Variants in TYK2 observed in about 807,000 individuals in gnomAD.
TYK2 encodes the protein non-receptor tyrosine-protein kinase TYK2.
TYK2 carries 65 observed loss-of-function variants against 130.9 expected under a neutral mutation model. The ratio of observed to expected loss-of-function variants is 0.50; its 90% CI spans 0.41 to 0.61. The LOEUF (loss-of-function observed/expected upper bound fraction) is 0.61, where lower values mean the gene tolerates loss of function less well. TYK2 is among the 20% of genes least tolerant of loss of function. The pLI is 0.00. For missense variants in TYK2, 1,378 were observed against 1,610.7 expected, an observed-to-expected ratio of 0.86 and a Z score of 2.47; for synonymous variants, 647 against 658.9, an observed-to-expected ratio of 0.98 and a Z score of 0.28.
intron 3 of TYK2, among the ~76,000 whole-genome samples, chr19:10,374,022 T>G (rs2042016237): frequency 6.6e-6 from 1 of 152,058 alleles, no homozygotes; most frequent in Non-Finnish European, 1.5e-5. Flanking sequence ...ATCCCAGCAC[T>G]TTGGGAGGCT....
chr19:10,375,513 C>T (rs1473774038), intron 3 of TYK2, among the ~76,000 whole-genome samples: 4 of 151,496 alleles, frequency 2.6e-5, no homozygotes, highest in Non-Finnish European at 4.4e-5. Flanking sequence ...GCTACTCAGG[C>T]GGCTGAGGCA....
intron 19 of TYK2, 102 bp downstream of exon 19, chr19:10,354,410 A>C: frequency 7.3e-7 from 1 of 1,375,760 alleles, no homozygotes; most frequent in Non-Finnish European, 1.0e-6. Context: ...AGAGGGTCCC[A>C]CCCACATCTC....
At chr19:10,366,684 G>A in intron 5 of TYK2, 104 bp from the exon 6 acceptor site, 1 of 1,175,126 alleles carries the variant, frequency 8.5e-7, no homozygotes, top group Non-Finnish European at 1.3e-6. Flanking sequence ...TGGAAGAAGT[G>A]TCTTGGGCCC....
At position 10,364,531 on chromosome 19, in the gene TYK2, A is replaced by G. The variant is rs1365798087; in HGVS notation, c.1367+83T>C. ...AAAAAAATAAGACGTGCACCTACAC[A>G]CACACCCTGCACAGCCCCTAGGGCT... On this transcript the variant is annotated intron_variant, in intron 9 of 24. Transcript: ENST00000525621. The surrounding 1 kb of genome is among the most constrained non-coding windows in gnomAD (Gnocchi z 4.9). The G allele has an allele frequency of 6.6e-7, 1 of 1,512,158 alleles. No homozygotes were observed. The highest frequency in any genetic ancestry group is 2.3e-5 in the East Asian group (1 of 44,192). 93.7% of individuals were successfully genotyped at this position (1,512,158 alleles called of 1,614,324 possible).
At chr19:10,370,460 G>C (rs1824127195) in intron 3 of TYK2, among the ~76,000 whole-genome samples, 1 of 151,052 alleles carries the variant, frequency 6.6e-6, no homozygotes, top group Non-Finnish European at 1.5e-5. Flanking sequence ...GGTGCAGTGA[G>C]CCGAGATTGT....
Position 10,379,708 on chromosome 19 carries a change from C to T in TYK2, c.-114G>A, listed in dbSNP as rs931933859. 1 of 152,180 alleles carries T rather than the reference C, an allele frequency of 6.6e-6. No homozygotes were observed. Among genetic ancestry groups the T allele is most frequent in the Non-Finnish European group, 1.5e-5 (1 of 68,018 alleles). 9.4% of individuals were successfully genotyped at this position (152,180 alleles called of 1,614,324 possible). A position where few individuals can be genotyped will look rare whatever the true frequency, so the allele number is the denominator to read the frequency against. ...TCCCCATCTGGAAAAGGGAGGTCCTCAGGGTGTTGCCATCAAAAGATGGTT... is the reference window on the plus strand; with the variant it reads ...TCCCCATCTGGAAAAGGGAGGTCCTTAGGGTGTTGCCATCAAAAGATGGTT... On this transcript the variant is annotated 5_prime_UTR_variant, in exon 2 of 25. An upstream open reading frame in the 5' UTR loses its in-frame stop. Transcript: ENST00000525621.
Position 10,350,605 on chromosome 19 carries a change from G to C in TYK2, c.*229C>G, listed in dbSNP as rs1389106196. On this transcript the variant is annotated 3_prime_UTR_variant, in exon 25 of 25. Coordinates refer to ENST00000525621, the MANE Select transcript of TYK2 (RefSeq NM_003331.5). ...AAGTTTGGAAGCTGGGGGATTTAAGGGCTGGATTAGTGCCCCTACAAATGT... is the reference window on the plus strand; with the variant it reads ...AAGTTTGGAAGCTGGGGGATTTAAGCGCTGGATTAGTGCCCCTACAAATGT... The C allele has an allele frequency of 1.1e-5, 6 of 556,072 alleles. No individual in the cohort carries two copies. The South Asian group carries it at 1.1e-4, about 10-fold the overall frequency. 34.4% of individuals were successfully genotyped at this position (556,072 alleles called of 1,614,324 possible).
chr19:10,359,754 C>T (rs943324303), intron 14 of TYK2, among the ~76,000 whole-genome samples: 1 of 149,824 alleles, frequency 6.7e-6, no homozygotes, highest in African/African-American at 2.5e-5. Context: ...CTGAGGCGGG[C>T]GGATCACAAG....
chr19:10,365,638 C>G lies in TYK2; in HGVS notation c.890G>C (p.Gly297Ala). The G allele has an allele frequency of 6.2e-7, 1 of 1,613,790 alleles. No homozygotes were observed. The highest frequency in any genetic ancestry group is 2.2e-5 in the East Asian group (1 of 44,876). Residue 297 changes from glycine (G) to alanine (A), a missense_variant, in exon 7 of 25, where the codon GGG (glycine) becomes GCG (alanine). Gly to Ala is a moderately conservative substitution (Grantham distance 60). Transcript: ENST00000525621. ...AGGGCCAGGGTCTGTAGGGGCCACC[C>G]CACTGTCCCGGATGTAGCAGGGCTC... is the stretch of plus-strand genomic sequence containing the variant. ...EGEPCYIRDS[G>A]VAPTDPGPES...
intron 3 of TYK2, among the ~76,000 whole-genome samples, chr19:10,372,043 T>C (rs1436496091): frequency 1.3e-5 from 2 of 151,180 alleles, no homozygotes; most frequent in Non-Finnish European, 2.9e-5. Flanking sequence ...CAGGCTGGAG[T>C]GTGGTGGCTC....
intron 17 of TYK2, chr19:10,357,093 A>G: frequency 2.5e-6 from 1 of 393,742 alleles, no homozygotes; most frequent in South Asian, 2.4e-5. Context: ...ACACTTAGAT[A>G]AAACCTCTTC....
In TYK2 at chr19:10,356,943, C is replaced by T. The variant is rs1021151439; in HGVS notation, c.2467-225G>A. 6 of 587,936 alleles carry T rather than the reference C, an allele frequency of 1.0e-5. No individual in the cohort carries two copies. In the African/African-American group the frequency reaches 1.1e-4, roughly 11 times the overall value. 36.4% of individuals were successfully genotyped at this position (587,936 alleles called of 1,614,324 possible). A position where few individuals can be genotyped will look rare whatever the true frequency, so the allele number is the denominator to read the frequency against. The stretch of plus-strand genomic sequence containing the variant: ...GTGATTATGCAGAGCTGGAGTGTCA[C>T]AGTCAGCCTCCTGCCCCAAGCTTCC... On this transcript the variant is annotated intron_variant, in intron 17 of 24. Coordinates refer to ENST00000525621, the MANE Select transcript of TYK2 (RefSeq NM_003331.5).
At position 10,366,577 on chromosome 19, in the gene TYK2, T is replaced by C. The variant is rs956505107; in HGVS notation, c.469A>G (p.Lys157Glu). 6.2e-7 allele frequency: 1 copy of C among 1,614,014 alleles called. No homozygotes were observed. The highest frequency in any genetic ancestry group is 8.5e-7 in the Non-Finnish European group (1 of 1,180,002). ...ASFEYLFEQG[K>E]HEFVNDVASL... Reference sequence around the variant, plus strand: ...GCCACGTCATTCACAAACTCATGCTTGCCCTGGGAACAGGAAATTGAGCAG... The same window carrying C: ...GCCACGTCATTCACAAACTCATGCTCGCCCTGGGAACAGGAAATTGAGCAG... Residue 157 changes from lysine (K) to glutamate (E), a missense_variant, in exon 6 of 25, where the codon AAG becomes GAG. Transcript: ENST00000525621.
At chr19:10,367,973 T>C in intron 5 of TYK2, 82 bp downstream of exon 5, 4 of 1,521,322 alleles carry the variant, frequency 2.6e-6, no homozygotes, top group South Asian at 2.3e-5. Context: ...TTAGCTATAT[T>C]GAATCAGGGA....
Position 10,353,595 on chromosome 19 carries a change from C to T in TYK2, c.2960G>A (p.Arg987Gln). 2.0e-6 allele frequency: 3 copies of T among 1,485,544 alleles called. No homozygotes were observed. The highest frequency in any genetic ancestry group is 2.7e-6 in the Non-Finnish European group (3 of 1,115,212). The allele number at this position is 1,485,544 out of a possible 1,614,324, so 92.0% of individuals were successfully genotyped here. A position where few individuals can be genotyped will look rare whatever the true frequency, so the allele number is the denominator to read the frequency against. Residue 987 changes from arginine (R) to glutamine (Q), a missense_variant, in exon 21 of 25, where the codon CGA (arginine) becomes CAA (glutamine). By Grantham distance (43) the Arg-to-Gln change is conservative. Coordinates refer to ENST00000525621, the MANE Select transcript of TYK2 (RefSeq NM_003331.5). The surrounding 1 kb of genome is among the most constrained non-coding windows in gnomAD (Gnocchi z 6.9). Reference sequence around the variant, plus strand: ...GATGCTGTGCCGGGGCAGGTAGTCTCGGAGGCTGCCCAGGGGCACGTACTC... The same window carrying T: ...GATGCTGTGCCGGGGCAGGTAGTCTTGGAGGCTGCCCAGGGGCACGTACTC... Reference protein sequence around the residue: ...VMEYVPLGSLRDYLPRHSIGL... With the variant: ...VMEYVPLGSLQDYLPRHSIGL...
intron 9 of TYK2, among the ~76,000 whole-genome samples, chr19:10,362,891 G>A (rs747570934): frequency 2.6e-5 from 4 of 152,036 alleles, no homozygotes; most frequent in East Asian, 1.9e-4. Flanking sequence ...TTTTTTAGAC[G>A]GATTTTCCCT....
chr19:10,350,691 TG>T lies in TYK2; in HGVS notation c.*142del. On this transcript the variant is annotated 3_prime_UTR_variant, in exon 25 of 25. Coordinates refer to ENST00000525621, the MANE Select transcript of TYK2 (RefSeq NM_003331.5). ...AGAAAGAAAAATAAGTTCACAGAGG[TG>T]GGGTCTCTAGACAGGAGTAAGGCAC... The T allele has an allele frequency of 1.1e-6, 1 of 950,804 alleles. No individual in the cohort carries two copies. Among genetic ancestry groups the T allele is most frequent in the African/African-American group, 1.7e-5 (1 of 60,538 alleles). 58.9% of individuals were successfully genotyped at this position (950,804 alleles called of 1,614,324 possible).
At chr19:10,370,070 A>T (rs2145291157) in intron 3 of TYK2, among the ~76,000 whole-genome samples, 1 of 150,752 alleles carries the variant, frequency 6.6e-6, no homozygotes, top group Admixed American at 6.6e-5. Flanking sequence ...CAAAACAAAG[A>T]ATCAGCCATG....
rs1204363666 is a variant in TYK2, at chr19:10,364,570, GC to G, written c.1367+43del. ...GCCCCTAGGGCTCACAGTCTAGTTG[GC>G]ACCCTTGGCGGTGGCCCCCAGCGCC... On this transcript the variant is annotated intron_variant, in intron 9 of 24. Transcript: ENST00000525621. The surrounding 1 kb of genome is among the most constrained non-coding windows in gnomAD (Gnocchi z 4.9). 6 of 1,609,110 alleles carry G rather than the reference GC, an allele frequency of 3.7e-6. No homozygotes were observed. Among genetic ancestry groups the G allele is most frequent in the Non-Finnish European group, 5.1e-6 (6 of 1,176,900 alleles).
Sources: allele counts gnomAD v4.1 joint callset (sites outside exome capture counted in the v4.1 genomes callset), GRCh38; gene constraint gnomAD v4.1.1; non-coding constraint Gnocchi (gnomAD v3.1); transcripts MANE v1.5; gene names NCBI Gene and HGNC (gene_info 2026-07-23, HGNC 2026-07-21).